TRMT11: variants seen among roughly 807,000 people sequenced by gnomAD.
The protein encoded by TRMT11 is tRNA methyltransferase 11.
In TRMT11, 53 loss-of-function variants were observed where a neutral mutation model predicts 62.8. The ratio of observed to expected loss-of-function variants is 0.84; its 90% CI spans 0.68 to 1.06. The LOEUF (loss-of-function observed/expected upper bound fraction) is 1.06, where lower values mean the gene tolerates loss of function less well. TRMT11 is among the 50% of genes least tolerant of loss of function. TRMT11 has a pLI of 0.00. For synonymous variants in TRMT11, 188 were observed against 190.3 expected, an observed-to-expected ratio of 0.99 and a Z score of 0.10; for missense variants, 556 against 553.4, an observed-to-expected ratio of 1.00 and a Z score of -0.05.
intron 11 of TRMT11, among the ~76,000 whole-genome samples, chr6:126,014,682 A>G (rs6912502): frequency 0.7 from 106,424 of 152,126 alleles, 37,690 homozygotes; most frequent in East Asian, 0.95. Context: ...TAAAATTACC[A>G]TGGCCTAACT....
the TRMT11 span, among the ~76,000 whole-genome samples, chr6:126,264,704 G>A: frequency 6.6e-6 from 1 of 152,168 alleles, no homozygotes; most frequent in Non-Finnish European, 1.5e-5. Context: ...AAGCAAGAGG[G>A]AATTCTCCCA....
chr6:126,151,853 T>TCTTTCTTTCTTTCTTTCTTTAGTTTC (rs1778052808), intron 21 of TRMT11, among the ~76,000 whole-genome samples: 2 of 144,118 alleles, frequency 1.4e-5, no homozygotes, highest in African/African-American at 5.3e-5. Flanking sequence ...TTTCTTTCTT[T>TCTTTCTTTCTTTCTTTCTTTAGTTTC]CTTTCTTTCT....
chr6:126,129,032 G>A (rs1777751243), intron 21 of TRMT11, among the ~76,000 whole-genome samples: 1 of 151,220 alleles, frequency 6.6e-6, no homozygotes, highest in African/African-American at 2.4e-5. Context: ...CCTGGGTCTA[G>A]TCTCAGCTCT....
downstream of TRMT11, among the ~76,000 whole-genome samples, chr6:126,208,330 A>T (rs1462680041): frequency 6.6e-6 from 1 of 152,184 alleles, no homozygotes; most frequent in Non-Finnish European, 1.5e-5. Flanking sequence ...ACTGCTGATG[A>T]TGTTTAATAT....
At chr6:126,101,785 G>C (rs547885237) in intron 17 of TRMT11, among the ~76,000 whole-genome samples, 1 of 152,188 alleles carries the variant, frequency 6.6e-6, no homozygotes, top group African/African-American at 2.4e-5. Flanking sequence ...CTGTTCTTTT[G>C]ATTTCCTATT....
intron 7 of TRMT11, among the ~76,000 whole-genome samples, chr6:126,000,371 A>G (rs1210105534): frequency 6.6e-6 from 1 of 152,116 alleles, no homozygotes. Context: ...CCCCTTGGGC[A>G]GTGATGATGC....
intron 17 of TRMT11, among the ~76,000 whole-genome samples, chr6:126,093,623 A>ATT (rs1301464523): frequency 6.9e-5 from 7 of 101,198 alleles, no homozygotes; most frequent in African/African-American, 3.8e-4. Flanking sequence ...ATATATATAT[A>ATT]TATATATATT....
chr6:126,256,542 A>G, the TRMT11 span, among the ~76,000 whole-genome samples: 1 of 152,282 alleles, frequency 6.6e-6, no homozygotes, highest in South Asian at 2.1e-4. Flanking sequence ...CACAATTCCT[A>G]TCCCTCTGAA....
chr6:126,024,352 T>C (rs1292319865), intron 12 of TRMT11, among the ~76,000 whole-genome samples: 1 of 152,244 alleles, frequency 6.6e-6, no homozygotes, highest in Admixed American at 6.5e-5. Context: ...TCCACTGTCT[T>C]GCTGTCTTCA....
intron 8 of TRMT11, among the ~76,000 whole-genome samples, chr6:126,010,913 A>G (rs776493838): frequency 7.2e-5 from 11 of 152,176 alleles, no homozygotes; most frequent in East Asian, 3.9e-4. Context: ...GATTCATACT[A>G]TCTCTACACA....
intron 1 of TRMT11, among the ~76,000 whole-genome samples, chr6:126,180,425 C>T (rs533383116): frequency 5.3e-5 from 8 of 152,210 alleles, no homozygotes; most frequent in Non-Finnish European, 1.0e-4. Context: ...TCAGAAAGGA[C>T]GCAAGGACAA....
chr6:126,161,804 G>T (rs1439081261), intron 21 of TRMT11, among the ~76,000 whole-genome samples: 1 of 152,156 alleles, frequency 6.6e-6, no homozygotes, highest in Non-Finnish European at 1.5e-5. Flanking sequence ...TATCTCATTT[G>T]TGGTTTTGAT....
chr6:126,068,817 T>TC (rs759620194), intron 17 of TRMT11, among the ~76,000 whole-genome samples: 11 of 152,242 alleles, frequency 7.2e-5, no homozygotes, highest in Non-Finnish European at 1.5e-4. Flanking sequence ...CATCTTTTTT[T>TC]CTTTCTGTTT....
At chr6:126,213,365 A>G in the TRMT11 span, among the ~76,000 whole-genome samples, 1 of 152,072 alleles carries the variant, frequency 6.6e-6, no homozygotes, top group Non-Finnish European at 1.5e-5. Context: ...TTTGAGTTGT[A>G]TGGATATTTT....
intron 1 of TRMT11, among the ~76,000 whole-genome samples, chr6:126,196,438 C>T (rs1406546355): frequency 6.6e-6 from 1 of 151,972 alleles, no homozygotes; most frequent in Non-Finnish European, 1.5e-5. Context: ...AAATCAATCC[C>T]TCATCTATCT....
At chr6:126,215,102 T>C in the TRMT11 span, among the ~76,000 whole-genome samples, 1 of 151,948 alleles carries the variant, frequency 6.6e-6, no homozygotes, top group Admixed American at 6.6e-5. Flanking sequence ...GTTTTGTTGC[T>C]CCACACATAG....
the TRMT11 span, among the ~76,000 whole-genome samples, chr6:126,234,894 A>G: frequency 4.6e-5 from 7 of 152,190 alleles, no homozygotes; most frequent in Non-Finnish European, 1.0e-4. Context: ...ATTTTACTCT[A>G]TGTAATATGG....
chr6:126,166,868 G>A (rs925053711), intron 21 of TRMT11, among the ~76,000 whole-genome samples: 1 of 152,148 alleles, frequency 6.6e-6, no homozygotes, highest in African/African-American at 2.4e-5. Flanking sequence ...TGCTGCGGTG[G>A]GTTCTGCACC....
the TRMT11 span, among the ~76,000 whole-genome samples, chr6:126,217,313 A>C: frequency 6.6e-6 from 1 of 152,166 alleles, no homozygotes; most frequent in African/African-American, 2.4e-5. Flanking sequence ...GTGTCTGGGC[A>C]TTGAAGAGTC....
Sources: gnomAD v4.1 joint callset for allele counts (sites outside exome capture counted in the v4.1 genomes callset) on GRCh38, gnomAD v4.1.1 for gene constraint, MANE v1.5 for transcripts, NCBI Gene and HGNC (gene_info 2026-07-23, HGNC 2026-07-21) for gene names.